PRDM5: variants seen among roughly 807,000 people sequenced by gnomAD.
PRDM5 encodes PR domain zinc finger protein 5.
In PRDM5, 56 loss-of-function variants were observed where a neutral mutation model predicts 81.2. That is an observed-to-expected ratio of 0.69 (90% confidence interval 0.56 to 0.86). PRDM5 has a LOEUF of 0.86. Ranked by LOEUF, PRDM5 falls within the 40% of genes least tolerant of loss-of-function variation. PRDM5 has a pLI of 0.00. For missense variants in PRDM5, 697 were observed against 770.1 expected, an observed-to-expected ratio of 0.91 and a Z score of 1.12; for synonymous variants, 267 against 256.4, an observed-to-expected ratio of 1.04 and a Z score of -0.39.
chr4:120,874,100 T>C (rs967467481), intron 2 of PRDM5, among the ~76,000 whole-genome samples: 1 of 152,182 alleles, frequency 6.6e-6, no homozygotes, highest in African/African-American at 2.4e-5. Context: ...CTGATATTTG[T>C]GTTTAGAATA....
intron 8 of PRDM5, among the ~76,000 whole-genome samples, chr4:120,800,461 G>A (rs1043977076): frequency 6.6e-6 from 1 of 150,608 alleles, no homozygotes; most frequent in Non-Finnish European, 1.5e-5. Context: ...AGGCTTCAGT[G>A]AGCTGTGTTC....
At chr4:120,883,244 G>A (rs1763044273) in intron 2 of PRDM5, among the ~76,000 whole-genome samples, 1 of 152,226 alleles carries the variant, frequency 6.6e-6, no homozygotes, top group Admixed American at 6.5e-5. Context: ...GTACAATAAA[G>A]ATCAATTAAT....
chr4:120,801,675 A>G (rs4833184), intron 8 of PRDM5, among the ~76,000 whole-genome samples: 43,695 of 152,186 alleles, frequency 0.29, 6,485 homozygotes, highest in East Asian at 0.37. Flanking sequence ...GACTGCCTGC[A>G]CAAGTGTTTG....
chr4:120,709,070 A>G (rs11721810), intron 15 of PRDM5, among the ~76,000 whole-genome samples: 33,099 of 152,080 alleles, frequency 0.22, 3,850 homozygotes, highest in Non-Finnish European at 0.28. Context: ...TTCAAAAAAC[A>G]TAACATGATG....
At chr4:120,754,478 T>C (rs758646255) in intron 14 of PRDM5, 75 bp downstream of exon 14, 7 of 1,029,578 alleles carry the variant, frequency 6.8e-6, no homozygotes, top group Non-Finnish European at 1.0e-5. Context: ...TTTTGTAATA[T>C]AAAGTTAAAT....
At chr4:120,864,224 A>G (rs1760957789) in intron 2 of PRDM5, among the ~76,000 whole-genome samples, 1 of 152,190 alleles carries the variant, frequency 6.6e-6, no homozygotes, top group South Asian at 2.1e-4. Flanking sequence ...TGAAAGGACT[A>G]AATATACTAT....
chr4:120,705,410 T>C (rs1333767112), intron 15 of PRDM5, among the ~76,000 whole-genome samples: 3 of 151,982 alleles, frequency 2.0e-5, no homozygotes, highest in African/African-American at 4.8e-5. Context: ...AGAGAGAAAG[T>C]AATTTGAGCT....
chr4:120,695,193 C>T lies in PRDM5; in HGVS notation c.1811G>A (p.Cys604Tyr). 1 of 1,613,600 alleles carries T rather than the reference C, an allele frequency of 6.2e-7. No homozygotes were observed. Among genetic ancestry groups the T allele is most frequent in the Non-Finnish European group, 8.5e-7 (1 of 1,179,632 alleles). Residue 604 changes from cysteine (C) to tyrosine (Y), a missense_variant, in exon 16 of 16, where the codon TGC (cysteine) becomes TAC (tyrosine). Around this residue, in one of 3 missense-constraint regions of PRDM5, gnomAD observed 86 missense variants for 135.2 expected, o/e 0.64. Transcript: ENST00000264808. ...TGTAAACTTCTTATGGCAAAACTGG[C>T]ATTCTGCCAGGGGACGATTGGGATT... ...THNPNRPLAECQFCHKKFTRN... is the reference protein window; with the variant it reads ...THNPNRPLAEYQFCHKKFTRN...
intron 2 of PRDM5, among the ~76,000 whole-genome samples, chr4:120,904,835 TAACAA>T (rs537997685): frequency 2.4e-4 from 36 of 152,276 alleles, no homozygotes; most frequent in African/African-American, 8.4e-4. Context: ...AATTTTCAGA[TAACAA>T]AACAAGTAAC....
At chr4:120,908,449 T>C (rs1285851578) in intron 1 of PRDM5, among the ~76,000 whole-genome samples, 1 of 152,226 alleles carries the variant, frequency 6.6e-6, no homozygotes. Flanking sequence ...AAAATCTCTT[T>C]TGATGAACAT....
At chr4:120,828,183 T>A (rs191447632) in intron 3 of PRDM5, among the ~76,000 whole-genome samples, 113 of 152,220 alleles carry the variant, frequency 7.4e-4, no homozygotes, top group African/African-American at 2.6e-3. Context: ...CAAGGTTATC[T>A]TAACTTGTCT....
At chr4:120,919,283 A>C (rs1483342833) in intron 1 of PRDM5, among the ~76,000 whole-genome samples, 2 of 152,166 alleles carry the variant, frequency 1.3e-5, no homozygotes, top group East Asian at 1.9e-4. Flanking sequence ...CCCACATAAG[A>C]AAGCAAGCTC....
intron 8 of PRDM5, among the ~76,000 whole-genome samples, chr4:120,803,954 G>A (rs1752516435): frequency 1.3e-5 from 2 of 152,132 alleles, no homozygotes; most frequent in African/African-American, 4.8e-5. Flanking sequence ...GTATTCAGGA[G>A]ACCCATCTCA....
intron 2 of PRDM5, among the ~76,000 whole-genome samples, chr4:120,872,969 TG>T (rs1761985946): frequency 6.6e-6 from 1 of 152,010 alleles, no homozygotes; most frequent in African/African-American, 2.4e-5. Flanking sequence ...ACAGTTAAGA[TG>T]GTAAATTTTA....
chr4:120,774,922 A>ATG (rs1747898746), intron 13 of PRDM5, among the ~76,000 whole-genome samples: 1 of 98,034 alleles, frequency 1.0e-5, no homozygotes, highest in African/African-American at 3.0e-5. Context: ...ATGTATATGT[A>ATG]TATATATGTA....
At chr4:120,910,020 T>C (rs73843660) in intron 1 of PRDM5, among the ~76,000 whole-genome samples, 10,803 of 152,094 alleles carry the variant, frequency 0.071, 423 homozygotes, top group East Asian at 0.15. Context: ...AACCCTGTGA[T>C]ACTGTATAAA....
chr4:120,749,344 G>A (rs1026868039), intron 14 of PRDM5, among the ~76,000 whole-genome samples: 2 of 152,280 alleles, frequency 1.3e-5, no homozygotes, highest in South Asian at 2.1e-4. Flanking sequence ...AAACCTGGGG[G>A]CCCTGGCACA....
chr4:120,736,561 T>C (rs1382364304), intron 14 of PRDM5, among the ~76,000 whole-genome samples: 3 of 152,154 alleles, frequency 2.0e-5, no homozygotes, highest in Non-Finnish European at 4.4e-5. Flanking sequence ...TTATCCAGCA[T>C]TCAGAGACGA....
intron 2 of PRDM5, among the ~76,000 whole-genome samples, chr4:120,897,605 A>T (rs1764788456): frequency 1.3e-5 from 2 of 152,186 alleles, no homozygotes; most frequent in Admixed American, 1.3e-4. Context: ...AACATTACAG[A>T]TGTATTAGAT....
Sources: allele counts gnomAD v4.1 joint callset (sites outside exome capture counted in the v4.1 genomes callset), GRCh38; gene constraint gnomAD v4.1.1; regional missense constraint gnomAD v4.1.1; transcripts MANE v1.5; gene names NCBI Gene and HGNC (gene_info 2026-07-23, HGNC 2026-07-21).